Variants in DEFB129 observed in about 807,000 individuals in gnomAD.
DEFB129 encodes defensin beta 129.
A neutral mutation model predicts 2.5 loss-of-function variants in DEFB129; 2 were observed. That is an observed-to-expected ratio of 0.80 (90% CI 0.33 to 2.53). DEFB129 has a LOEUF of 2.53. Ranked by LOEUF, DEFB129 falls within the 30% of genes most tolerant of loss-of-function variation. The pLI, the probability that DEFB129 is intolerant of heterozygous loss-of-function variation, is 0.11. For missense variants in DEFB129, 177 were observed against 216.9 expected, an observed-to-expected ratio of 0.82 and a Z score of 1.16; for synonymous variants, 76 against 74.4, an observed-to-expected ratio of 1.02 and a Z score of -0.11.
rs930501589 is a variant in DEFB129 at position 229,831 on chromosome 20, A to G, written c.*60A>G. ...CTATTTTTGCTATCTATAAAATGACATAGAACTGTTTCCTCTGTCATCAGT... is the reference window on the plus strand; with the variant it reads ...CTATTTTTGCTATCTATAAAATGACGTAGAACTGTTTCCTCTGTCATCAGT... On this transcript the variant is annotated 3_prime_UTR_variant, in exon 2 of 2. Transcript: ENST00000246105. The G allele has an allele frequency of 1.3e-6, 2 of 1,542,490 alleles. No homozygotes were observed. The highest frequency in any genetic ancestry group is 2.8e-5 in the African/African-American group (2 of 72,718).
chr20:228,967 A>C (rs538552471), intron 1 of DEFB129, among the ~76,000 whole-genome samples: 2 of 152,342 alleles, frequency 1.3e-5, no homozygotes, highest in South Asian at 4.1e-4. Context: ...ATGTCTGACA[A>C]GTACCTAAGA....
In DEFB129 at chr20:229,454, G is replaced by A. The variant is rs369602305; in HGVS notation, c.235G>A (p.Val79Ile). The A allele has an allele frequency of 1.1e-5, 18 of 1,613,990 alleles. No homozygotes were observed. Among genetic ancestry groups the A allele is most frequent in the African/African-American group, 4.0e-5 (3 of 74,928 alleles). The change falls in exon 2 of 2, where the codon GTC becomes ATC. Residue 79 changes from valine to isoleucine, a missense_variant. Transcript: ENST00000246105. Reference protein sequence around the residue: ...YGTPNVLNEDVQEMLKPAKNS... With the variant: ...YGTPNVLNEDIQEMLKPAKNS... ...AACACCAAATGTACTTAATGAAGACGTCCAAGAAATGCTAAAACCTGCCAA... is the reference window on the plus strand; with the variant it reads ...AACACCAAATGTACTTAATGAAGACATCCAAGAAATGCTAAAACCTGCCAA...
At chr20:227,835 G>A (rs981620852) in intron 1 of DEFB129, among the ~76,000 whole-genome samples, 3 of 151,964 alleles carry the variant, frequency 2.0e-5, no homozygotes, top group Non-Finnish European at 4.4e-5. Flanking sequence ...TATTTTTCCT[G>A]ATGCTCTCCC....
chr20:229,160 T>G, intron 1 of DEFB129, 118 bp from the exon 2 acceptor site: 1 of 1,344,358 alleles, frequency 7.4e-7, no homozygotes, highest in East Asian at 2.4e-5. Flanking sequence ...TCCTAAACAC[T>G]GGGCTTAAAA....
chr20:229,219 T>G lies in DEFB129; in HGVS notation c.59-59T>G, dbSNP rs530743398. 1.3e-4 allele frequency: 198 copies of G among 1,526,882 alleles called. 1 individual carries two copies. In the South Asian group the frequency reaches 2.0e-3, roughly 16 times the overall value. 94.6% of individuals were successfully genotyped at this position (1,526,882 alleles called of 1,614,324 possible). On this transcript the variant is annotated intron_variant, in intron 1 of 1. Transcript: ENST00000246105. ...TAGTCTATCCATCTCCCACTAGCAG[T>G]TTTAACATCATCTCTAGTTATTAAC...
At chr20:227,441 G>T in intron 1 of DEFB129, 95 bp downstream of exon 1, 3 of 1,420,552 alleles carry the variant, frequency 2.1e-6, no homozygotes, top group Non-Finnish European at 9.9e-7. Flanking sequence ...GAGACTGAAA[G>T]ATTAGCTGTT....
Position 229,541 on chromosome 20 carries a change from A to T in DEFB129, c.322A>T (p.Thr108Ser), listed in dbSNP as rs1293012350. Residue 108 changes from threonine (T) to serine (S), a missense_variant, in exon 2 of 2, where the codon ACT (threonine) becomes TCT (serine). Physicochemically the swap from Thr to Ser is moderately conservative, Grantham distance 58. Coordinates refer to ENST00000246105, the MANE Select transcript of DEFB129 (RefSeq NM_080831.4). ...ILSVLPQIKS[T>S]SFFANTNFVI... ...ATCTGTTCTCCCCCAAATCAAAAGC[A>T]CTAGCTTTTTTGCTAATACCAACTT... The T allele has an allele frequency of 6.2e-7, 1 of 1,614,096 alleles. No homozygotes were observed. The highest frequency in any genetic ancestry group is 8.5e-7 in the Non-Finnish European group (1 of 1,180,044).
In DEFB129 at chr20:229,728, T is replaced by G; in HGVS notation, c.509T>G (p.Leu170Arg). ...CCAGCACCACCTCCACCAAACATAC[T>G]GCCAACACCATCACTGGAGCTAGAG... ...PPPAPPPPNI[L>R]PTPSLELEEA... The change falls in exon 2 of 2, where the codon CTG (leucine) becomes CGG (arginine). Residue 170 changes from leucine (L) to arginine (R), a missense_variant. Coordinates refer to ENST00000246105, the MANE Select transcript of DEFB129 (RefSeq NM_080831.4). 6.2e-7 allele frequency: 1 copy of G among 1,613,070 alleles called. No individual in the cohort carries two copies. The highest frequency in any genetic ancestry group is 2.2e-5 in the East Asian group (1 of 44,882).
At position 229,712 on chromosome 20, in the gene DEFB129, C is replaced by T. The variant is rs2011320506; in HGVS notation, c.493C>T (p.Pro165Ser). 2 of 1,613,682 alleles carry T rather than the reference C, an allele frequency of 1.2e-6. No individual in the cohort carries two copies. The highest frequency in any genetic ancestry group is 4.5e-5 in the East Asian group (2 of 44,892). ...SATASPPPAP[P>S]PPNILPTPSL... ...CACTGCCTCGCCACCACCAGCACCA[C>T]CTCCACCAAACATACTGCCAACACC... is the stretch of plus-strand genomic sequence containing the variant. The change falls in exon 2 of 2, where the codon CCT (proline) becomes TCT (serine). Residue 165 changes from proline to serine, a missense_variant. Coordinates refer to ENST00000246105, the MANE Select transcript of DEFB129 (RefSeq NM_080831.4).
In DEFB129 at chr20:229,451, G is replaced by C; in HGVS notation, c.232G>C (p.Asp78His). 6.2e-7 allele frequency: 1 copy of C among 1,614,078 alleles called. No individual in the cohort carries two copies. ...QYGTPNVLNE[D>H]VQEMLKPAKN... is the part of the protein sequence containing the mutation. ...TGGAACACCAAATGTACTTAATGAA[G>C]ACGTCCAAGAAATGCTAAAACCTGC... Residue 78 changes from aspartate (D) to histidine (H), a missense_variant, in exon 2 of 2, where the codon GAC (aspartate) becomes CAC (histidine). Physicochemically the swap from Asp to His is moderately conservative, Grantham distance 81 (BLOSUM62 -1). Transcript: ENST00000246105.
At position 229,375 on chromosome 20, in the gene DEFB129, ATGT is replaced by A. The variant is rs749888265; in HGVS notation, c.160_162del (p.Cys54del). The stretch of plus-strand genomic sequence containing the variant: ...AGATACAGAAATGCAAGATGAAAAA[ATGT>A]TGTGTTGGACCAAAAGTGGTTAAAT... On this transcript the variant is annotated inframe_deletion, in exon 2 of 2. Coordinates refer to ENST00000246105, the MANE Select transcript of DEFB129 (RefSeq NM_080831.4). 1 of 1,614,206 alleles carries A rather than the reference ATGT, an allele frequency of 6.2e-7. No individual in the cohort carries two copies. Among genetic ancestry groups the A allele is most frequent in the Non-Finnish European group, 8.5e-7 (1 of 1,180,028 alleles).
chr20:229,272 A>G lies in DEFB129; in HGVS notation c.59-6A>G, dbSNP rs754507607. The G allele has an allele frequency of 4.5e-6, 7 of 1,558,792 alleles. No individual in the cohort carries two copies. Among genetic ancestry groups the G allele is most frequent in the East Asian group, 2.2e-5 (1 of 44,578 alleles). Reference sequence around the variant, plus strand: ...TGGCTCAATGGCTTTCTCTTTTTTTATACAGAATTTATTGGCTTGAGACGC... The same window carrying G: ...TGGCTCAATGGCTTTCTCTTTTTTTGTACAGAATTTATTGGCTTGAGACGC... On this transcript the variant is annotated splice_polypyrimidine_tract_variant and splice_region_variant and intron_variant, in intron 1 of 1. Coordinates refer to ENST00000246105, the MANE Select transcript of DEFB129 (RefSeq NM_080831.4).
In DEFB129 at chr20:229,545, GCT is replaced by G. The variant is rs2011317105; in HGVS notation, c.327_328del (p.Phe111CysfsTer2). 6.2e-7 allele frequency: 1 copy of G among 1,614,018 alleles called. No homozygotes were observed. Among genetic ancestry groups the G allele is most frequent in the African/African-American group, 1.3e-5 (1 of 74,926 alleles). Reference sequence around the variant, plus strand: ...GTTCTCCCCCAAATCAAAAGCACTAGCTTTTTTGCTAATACCAACTTTGTCAT... The same window carrying G: ...GTTCTCCCCCAAATCAAAAGCACTAGTTTTTGCTAATACCAACTTTGTCAT... On this transcript the variant is annotated frameshift_variant, in exon 2 of 2. Transcript: ENST00000246105. LOFTEE classifies it low-confidence loss of function (END_TRUNC).
intron 1 of DEFB129, among the ~76,000 whole-genome samples, chr20:228,674 T>C (rs911294129): frequency 2.6e-5 from 4 of 152,080 alleles, no homozygotes; most frequent in African/African-American, 9.7e-5. Flanking sequence ...TAGATAACAA[T>C]ACAGAAGTTA....
intron 1 of DEFB129, among the ~76,000 whole-genome samples, chr20:227,970 A>AT: frequency 6.6e-6 from 1 of 152,180 alleles, no homozygotes; most frequent in East Asian, 1.9e-4. Flanking sequence ...CTCAAAAAAA[A>AT]ACCCTTTCAA....
Position 229,517 on chromosome 20 carries a change from T to C in DEFB129, c.298T>C (p.Ser100Pro). 1 of 1,614,156 alleles carries C rather than the reference T, an allele frequency of 6.2e-7. No individual in the cohort carries two copies. The highest frequency in any genetic ancestry group is 8.5e-7 in the Non-Finnish European group (1 of 1,180,032). ...TGTGATACAAAGAAAACATATTTTA[T>C]CTGTTCTCCCCCAAATCAAAAGCAC... is the stretch of plus-strand genomic sequence containing the variant. ...SAVIQRKHIL[S>P]VLPQIKSTSF... Residue 100 changes from serine (S) to proline (P), a missense_variant, in exon 2 of 2, where the codon TCT (serine) becomes CCT (proline). Transcript: ENST00000246105.
At chr20:227,444 T>C (rs1268644405) in intron 1 of DEFB129, 98 bp downstream of exon 1, 1 of 1,408,510 alleles carries the variant, frequency 7.1e-7, no homozygotes, top group Non-Finnish European at 1.0e-6. Flanking sequence ...ACTGAAAGAT[T>C]AGCTGTTCAA....
Position 229,764 on chromosome 20 carries a change from A to G in DEFB129, c.545A>G (p.Glu182Gly). The change falls in exon 2 of 2, where the codon GAG (glutamate) becomes GGG (glycine). Residue 182 changes from glutamate (E) to glycine (G), a missense_variant. Coordinates refer to ENST00000246105, the MANE Select transcript of DEFB129 (RefSeq NM_080831.4). The stretch of plus-strand genomic sequence containing the variant: ...TCACTGGAGCTAGAGGAAGCAGAAG[A>G]GCAGTAATGTGGATCTTTCCCTTAA... Reference protein sequence around the residue: ...TPSLELEEAEEQ With the variant: ...TPSLELEEAEGQ 1 of 1,607,378 alleles carries G rather than the reference A, an allele frequency of 6.2e-7. No homozygotes were observed. Among genetic ancestry groups the G allele is most frequent in the Non-Finnish European group, 8.5e-7 (1 of 1,178,952 alleles).
chr20:228,791 A>T (rs1272469685), intron 1 of DEFB129, among the ~76,000 whole-genome samples: 1 of 152,216 alleles, frequency 6.6e-6, no homozygotes, highest in Non-Finnish European at 1.5e-5. Context: ...GGAATCACAG[A>T]TCTAGTGATT....
Sources: gnomAD v4.1 joint callset for allele counts (sites outside exome capture counted in the v4.1 genomes callset) on GRCh38, gnomAD v4.1.1 for gene constraint, MANE v1.5 for transcripts, NCBI Gene and HGNC (gene_info 2026-07-23, HGNC 2026-07-21) for gene names.